The following SNX1 variants were observed in gnomAD, a reference collection of about 807,000 sequenced individuals.
The protein encoded by SNX1 is sorting nexin 1, also known as sorting nexin-1.
Under a neutral mutation model 71.8 loss-of-function variants are expected in SNX1, and 36 were observed. That is an observed-to-expected ratio of 0.50 (90% CI 0.38 to 0.66). SNX1 has a LOEUF of 0.66. SNX1 is among the 30% of genes least tolerant of loss of function. The probability of loss-of-function intolerance (pLI) is 0.00; values close to 1 mark genes in which losing one functional copy is unlikely to be tolerated. For synonymous variants in SNX1, 254 were observed against 240.7 expected, an observed-to-expected ratio of 1.06 and a Z score of -0.51; for missense variants, 612 against 646.7, an observed-to-expected ratio of 0.95 and a Z score of 0.58.
chr15:64,097,024 G>T (rs1433471455), intron 1 of SNX1, among the ~76,000 whole-genome samples: 6 of 152,262 alleles, frequency 3.9e-5, no homozygotes, highest in African/African-American at 1.4e-4. Context: ...GGGTGTGAGT[G>T]GGCCGGAGCA....
At chr15:64,118,611 C>G (rs2081157573) in intron 3 of SNX1, among the ~76,000 whole-genome samples, 177 bp from the exon 4 acceptor site, 1 of 152,180 alleles carries the variant, frequency 6.6e-6, no homozygotes, top group Non-Finnish European at 1.5e-5. Flanking sequence ...GACTTGTAAG[C>G]TGGCTCCTAA....
In SNX1 at chr15:64,096,258, A is replaced by C. The variant is rs888241506; in HGVS notation, c.159+86A>C. On this transcript the variant is annotated intron_variant, in intron 1 of 14. Transcript: ENST00000559844. Reference sequence around the variant, plus strand: ...AGCGAGAATCGGGGAGGTTGGGCAGAGTGGGCCCGGTGAGACCTTGCCTCG... The same window carrying C: ...AGCGAGAATCGGGGAGGTTGGGCAGCGTGGGCCCGGTGAGACCTTGCCTCG... 20 of 1,470,200 alleles carry C rather than the reference A, an allele frequency of 1.4e-5. No homozygotes were observed. In the African/African-American group the frequency reaches 2.8e-4, roughly 21 times the overall value. 91.1% of individuals were successfully genotyped at this position (1,470,200 alleles called of 1,614,324 possible). A position where few individuals can be genotyped will look rare whatever the true frequency, so the allele number is the denominator to read the frequency against.
intron 1 of SNX1, among the ~76,000 whole-genome samples, chr15:64,098,415 G>A (rs1035515702): frequency 1.3e-5 from 2 of 152,178 alleles, no homozygotes; most frequent in Admixed American, 6.5e-5. Flanking sequence ...CTGAAGCAGT[G>A]GCCGAGTGCC....
chr15:64,099,432 A>G, intron 1 of SNX1, among the ~76,000 whole-genome samples: 1 of 152,242 alleles, frequency 6.6e-6, no homozygotes, highest in Non-Finnish European at 1.5e-5. Context: ...AAAACCCACA[A>G]AATCTAATAA....
At position 64,140,983 on chromosome 15, in the gene SNX1, T is replaced by TGATTGATAGATAGATAGATA. The variant is rs2081406846; in HGVS notation, c.*3368_*3369insTGATAGATAGATAGATAGAT. 1 of 148,780 alleles carries TGATTGATAGATAGATAGATA rather than the reference T, an allele frequency of 6.7e-6. No individual in the cohort carries two copies. Among genetic ancestry groups the TGATTGATAGATAGATAGATA allele is most frequent in the African/African-American group, 2.5e-5 (1 of 39,648 alleles). 9.2% of individuals were successfully genotyped at this position (148,780 alleles called of 1,614,324 possible). On this transcript the variant is annotated 3_prime_UTR_variant, in exon 15 of 15. Transcript: ENST00000559844. The stretch of plus-strand genomic sequence containing the variant: ...GCTCTCACCATACAGTGCAAAGAGA[T>TGATTGATAGATAGATAGATA]GATAGATAGATAGATAGATAGATAG...
intron 1 of SNX1, among the ~76,000 whole-genome samples, chr15:64,110,969 TC>T (rs1485806102): frequency 1.3e-5 from 2 of 152,246 alleles, no homozygotes; most frequent in Non-Finnish European, 2.9e-5. Context: ...CTATGCCTTT[TC>T]TGTTGTTTTA....
chr15:64,135,060 T>C, intron 12 of SNX1: 1 of 463,450 alleles, frequency 2.2e-6, no homozygotes, highest in Non-Finnish European at 3.8e-6. Context: ...GCGCCTGTAA[T>C]CCTAGCACTT....
intron 14 of SNX1, 80 bp downstream of exon 14, chr15:64,137,012 A>T: frequency 1.8e-6 from 2 of 1,120,868 alleles, no homozygotes; most frequent in South Asian, 2.6e-5. Context: ...CTGCAACAAG[A>T]TGTGCAGGCC....
At chr15:64,102,755 C>T (rs957137270) in intron 1 of SNX1, among the ~76,000 whole-genome samples, 5 of 144,262 alleles carry the variant, frequency 3.5e-5, no homozygotes, top group African/African-American at 7.6e-5. Context: ...ATATATACCA[C>T]GCCTTCTTTT....
rs200798908 is a variant in SNX1 at position 64,111,248 on chromosome 15, A to AT, written c.160-1319dup. 3.1e-3 allele frequency among the ~76,000 whole-genome samples: 468 copies of AT among 152,212 alleles called. 4 individuals are homozygous for AT. The highest frequency in any genetic ancestry group is 0.011 in the African/African-American group (443 of 41,512). ...ATCCTGTTTCTGTCTTTCTGCAGTG[A>AT]TTTTTTAGTTTTGTTTTTAAGATTG... On this transcript the variant is annotated intron_variant, in intron 1 of 14. Transcript: ENST00000559844.
chr15:64,116,042 CT>C (rs1469423838), intron 2 of SNX1, among the ~76,000 whole-genome samples: 2 of 152,192 alleles, frequency 1.3e-5, no homozygotes, highest in Non-Finnish European at 2.9e-5. Flanking sequence ...TTCCCCAAAA[CT>C]TTTCTAATAG....
rs2081408308 is a variant in SNX1 at position 64,141,009 on chromosome 15, A to ATAGG, written c.*3394_*3395insGTAG. 2.0e-5 allele frequency: 3 copies of ATAGG among 150,630 alleles called. No individual in the cohort carries two copies. Among genetic ancestry groups the ATAGG allele is most frequent in the Non-Finnish European group, 4.4e-5 (3 of 68,032 alleles). 9.3% of individuals were successfully genotyped at this position (150,630 alleles called of 1,614,324 possible). A position where few individuals can be genotyped will look rare whatever the true frequency, so the allele number is the denominator to read the frequency against. On this transcript the variant is annotated 3_prime_UTR_variant, in exon 15 of 15. Transcript: ENST00000559844. This position sits in a 1 kb window ranked among gnomAD's most constrained non-coding sequence, Gnocchi z 5.1. Reference sequence around the variant, plus strand: ...GATAGATAGATAGATAGATAGATAGATAGATAGATAGATAGATGATAGATA... The same window carrying ATAGG: ...GATAGATAGATAGATAGATAGATAGATAGGTAGATAGATAGATAGATGATAGATA...
Position 64,137,584 on chromosome 15 carries a change from A to C in SNX1, c.1535A>C (p.Glu512Ala). 6.2e-7 allele frequency: 1 copy of C among 1,614,148 alleles called. No homozygotes were observed. ...TCTTTGCAGCTGGCAAAGTACTGGG[A>C]AGCCTTCCTTCCTGAGGCAAAGGCC... ...YSQQQLAKYW[E>A]AFLPEAKAIS Residue 512 changes from glutamate to alanine, a missense_variant, in exon 15 of 15, where the codon GAA becomes GCA. Glu to Ala is a moderately radical substitution (Grantham distance 107, BLOSUM62 -1). This residue lies in a region of SNX1 where 296 missense variants were observed against 361.9 expected (regional missense o/e 0.82). Coordinates refer to ENST00000559844, the MANE Select transcript of SNX1 (RefSeq NM_003099.5).
intron 10 of SNX1, among the ~76,000 whole-genome samples, chr15:64,130,966 CTA>C (rs140942220): frequency 0.045 from 6,907 of 152,224 alleles, 199 homozygotes; most frequent in South Asian, 0.084. Flanking sequence ...CTGTAGCAGA[CTA>C]TGTGTAGCCT....
intron 1 of SNX1, among the ~76,000 whole-genome samples, chr15:64,107,370 T>C (rs182285517): frequency 2.2e-4 from 34 of 152,344 alleles, no homozygotes; most frequent in African/African-American, 7.9e-4. Flanking sequence ...GAATCACAAC[T>C]GGACAACCTA....
rs1396249319 is a variant in SNX1, at chr15:64,118,438, A to T, written c.399+194A>T. On this transcript the variant is annotated intron_variant, in intron 3 of 14. Transcript: ENST00000559844. ...AGTATCTATTGCCCAGAGAGCACGA[A>T]GGCTTTCAGTGGTTACTAAAGATAC... is the stretch of plus-strand genomic sequence containing the variant. Among the ~76,000 whole-genome samples, 3 of 152,250 alleles carry T rather than the reference A, an allele frequency of 2.0e-5. No homozygotes were observed. The East Asian group carries it at 5.8e-4, about 29-fold the overall frequency.
intron 1 of SNX1, among the ~76,000 whole-genome samples, chr15:64,105,184 A>C (rs928980475): frequency 1.3e-5 from 2 of 150,326 alleles, no homozygotes; most frequent in African/African-American, 4.9e-5. Flanking sequence ...GCACCACTGC[A>C]CTCCAGCCTG....
rs11857157 is a variant in SNX1, at chr15:64,113,013, C to T, written c.271+329C>T. Among the ~76,000 whole-genome samples the T allele has an allele frequency of 4.1e-3, 620 of 152,228 alleles. 6 individuals are homozygous for T. Among genetic ancestry groups the T allele is most frequent in the African/African-American group, 0.014 (583 of 41,514 alleles). On this transcript the variant is annotated intron_variant, in intron 2 of 14. Coordinates refer to ENST00000559844, the MANE Select transcript of SNX1 (RefSeq NM_003099.5). ...CAGTGACTAAAGCAGTGCGTGTAGC[C>T]TTGTGTGACCAAGACTAGGAGTAAG...
At chr15:64,112,267 AAG>A (rs2081084721) in intron 1 of SNX1, among the ~76,000 whole-genome samples, 2 of 152,236 alleles carry the variant, frequency 1.3e-5, no homozygotes, top group African/African-American at 4.8e-5. Flanking sequence ...TCAGCTGAGA[AAG>A]AGAAATACAT....
Sources: gnomAD v4.1 joint callset for allele counts (sites outside exome capture counted in the v4.1 genomes callset) on GRCh38, gnomAD v4.1.1 for gene constraint, gnomAD v4.1.1 regional missense constraint, Gnocchi (gnomAD v3.1) non-coding constraint, MANE v1.5 for transcripts, NCBI Gene and HGNC (gene_info 2026-07-23, HGNC 2026-07-21) for gene names.